Variants in THNSL1 observed in about 807,000 individuals in gnomAD.
THNSL1 encodes the protein threonine synthase-like 1.
Under a neutral mutation model 50.4 loss-of-function variants are expected in THNSL1, and 48 were observed. That is an observed-to-expected ratio of 0.95 (90% CI 0.76 to 1.21). THNSL1 has a LOEUF of 1.21. Ranked by LOEUF, THNSL1 falls within the 50% of genes most tolerant of loss-of-function variation. THNSL1 has a pLI of 0.00. For synonymous variants in THNSL1, 309 were observed against 306.1 expected, an observed-to-expected ratio of 1.01 and a Z score of -0.10; for missense variants, 896 against 871.7, an observed-to-expected ratio of 1.03 and a Z score of -0.35.
At chr10:24,972,191 T>G in the THNSL1 span, among the ~76,000 whole-genome samples, 1 of 119,222 alleles carries the variant, frequency 8.4e-6, no homozygotes, top group Non-Finnish European at 1.9e-5. Context: ...GACTCTATCT[T>G]AAAAAAAAAA....
the THNSL1 span, among the ~76,000 whole-genome samples, chr10:24,994,273 C>T: frequency 6.8e-6 from 1 of 147,960 alleles, no homozygotes; most frequent in Non-Finnish European, 1.5e-5. Flanking sequence ...CCTTCCTTTC[C>T]TTTCTCCCTC....
At chr10:24,975,233 G>A in the THNSL1 span, among the ~76,000 whole-genome samples, 49 of 152,308 alleles carry the variant, frequency 3.2e-4, no homozygotes, top group East Asian at 6.9e-3. Context: ...CACAGCTCAA[G>A]GGTGGGAATT....
the THNSL1 span, among the ~76,000 whole-genome samples, chr10:24,970,267 CTG>C: frequency 1.3e-5 from 2 of 152,200 alleles, no homozygotes. Flanking sequence ...AGGGTAATCA[CTG>C]TCATAAATTT....
the THNSL1 span, chr10:24,952,455 A>G: frequency 6.7e-7 from 1 of 1,489,464 alleles, no homozygotes; most frequent in Non-Finnish European, 9.2e-7. This position sits in a 1 kb window ranked among gnomAD's most constrained non-coding sequence, Gnocchi z 5.1. Flanking sequence ...CACGGCAAGC[A>G]TTTAATCTAC....
At chr10:24,965,548 A>C in the THNSL1 span, among the ~76,000 whole-genome samples, 3 of 152,234 alleles carry the variant, frequency 2.0e-5, no homozygotes, top group Non-Finnish European at 4.4e-5. Flanking sequence ...AAGTGCTTAG[A>C]TGTCTATGAA....
chr10:24,956,397 C>A, the THNSL1 span, among the ~76,000 whole-genome samples: 1 of 151,174 alleles, frequency 6.6e-6, no homozygotes, highest in African/African-American at 2.4e-5. Flanking sequence ...AATAACCAGT[C>A]AATATACTTG....
chr10:24,997,531 T>C, the THNSL1 span, among the ~76,000 whole-genome samples: 1 of 151,814 alleles, frequency 6.6e-6, no homozygotes, highest in Non-Finnish European at 1.5e-5. Context: ...GGACCACAGA[T>C]GTGCATCAGC....
the THNSL1 span, among the ~76,000 whole-genome samples, chr10:25,009,324 G>A: frequency 6.6e-6 from 1 of 152,086 alleles, no homozygotes; most frequent in African/African-American, 2.4e-5. Flanking sequence ...AAGAGTTGTA[G>A]AGAGAATTTT....
chr10:24,999,893 T>C, the THNSL1 span, among the ~76,000 whole-genome samples: 2 of 152,208 alleles, frequency 1.3e-5, no homozygotes, highest in African/African-American at 4.8e-5. Context: ...GGTCTATTAA[T>C]TTTATGAATC....
chr10:25,018,257 GA>G (rs1358015920), intron 1 of THNSL1, among the ~76,000 whole-genome samples: 2 of 152,142 alleles, frequency 1.3e-5, no homozygotes, highest in Non-Finnish European at 2.9e-5. Flanking sequence ...CTTGCCTTTT[GA>G]AAGTGTGTTT....
intron 1 of THNSL1, among the ~76,000 whole-genome samples, chr10:25,020,153 G>C (rs1438785001): frequency 6.6e-6 from 1 of 151,822 alleles, no homozygotes; most frequent in Admixed American, 6.6e-5. Context: ...GCACTTAACT[G>C]CCTTCTGCTA....
At chr10:24,965,746 TG>T in the THNSL1 span, among the ~76,000 whole-genome samples, 1 of 152,354 alleles carries the variant, frequency 6.6e-6, no homozygotes, top group East Asian at 1.9e-4. Context: ...GGAACAACAC[TG>T]GTTGAATCTC....
the THNSL1 span, among the ~76,000 whole-genome samples, chr10:24,987,416 T>G: frequency 1.3e-4 from 20 of 152,018 alleles, no homozygotes. Context: ...GGAGGAGGAT[T>G]GCTTGAGGCC....
the THNSL1 span, among the ~76,000 whole-genome samples, chr10:24,963,504 A>T: frequency 1.3e-5 from 2 of 152,226 alleles, no homozygotes; most frequent in Non-Finnish European, 2.9e-5. Flanking sequence ...AAGAATGGTT[A>T]TTGAGGTTGT....
rs760008412 is a variant in THNSL1, at chr10:25,023,907, G to A, written c.684G>A (p.Ser228=). The change falls in exon 3 of 3, where the codon TCG becomes TCA. Residue 228 remains serine (S), a synonymous_variant. Transcript: ENST00000376356. The part of the protein sequence containing the change: ...NAIKRYQDVD[S]ETFISTRHVW... The stretch of plus-strand genomic sequence containing the variant: ...TTAAAAGATACCAAGATGTGGACTC[G>A]GAAACATTCATTTCAACAAGACACG... 75 of 1,614,050 alleles carry A rather than the reference G, an allele frequency of 4.6e-5. No individual in the cohort carries two copies. The highest frequency in any genetic ancestry group is 9.9e-5 in the South Asian group (9 of 91,082).
the THNSL1 span, among the ~76,000 whole-genome samples, chr10:24,992,542 G>C: frequency 1.3e-5 from 2 of 152,162 alleles, no homozygotes; most frequent in African/African-American, 4.8e-5. Context: ...TTCTCGATAG[G>C]AGTCTTAAGA....
chr10:24,975,353 A>G, the THNSL1 span, among the ~76,000 whole-genome samples: 1 of 152,202 alleles, frequency 6.6e-6, no homozygotes, highest in African/African-American at 2.4e-5. Context: ...TGCTTGAAAG[A>G]AACTTGAATT....
the THNSL1 span, chr10:24,984,786 T>C: frequency 1.2e-6 from 2 of 1,613,876 alleles, no homozygotes; most frequent in East Asian, 4.5e-5. Context: ...CAATGTCGTG[T>C]TCTAGTTGTT....
chr10:25,022,766 A>T (rs1400881848), intron 2 of THNSL1, among the ~76,000 whole-genome samples: 2 of 152,172 alleles, frequency 1.3e-5, no homozygotes. Flanking sequence ...TCCAACTCCA[A>T]ATCATCTTTA....
Sources: allele counts gnomAD v4.1 joint callset (sites outside exome capture counted in the v4.1 genomes callset), GRCh38; gene constraint gnomAD v4.1.1; non-coding constraint Gnocchi (gnomAD v3.1); transcripts MANE v1.5; gene names NCBI Gene and HGNC (gene_info 2026-07-23, HGNC 2026-07-21).